OTOG: variants seen among roughly 807,000 people sequenced by gnomAD.
OTOG encodes the protein otogelin.
OTOG carries 296 observed loss-of-function variants against 313.8 expected under a neutral mutation model. The observed-to-expected ratio is 0.94, with a 90% CI of 0.86 to 1.04. OTOG has a LOEUF of 1.04. Ranked by LOEUF, OTOG falls within the 50% of genes least tolerant of loss-of-function variation. The pLI is 0.00. For synonymous variants in OTOG, 1,533 were observed against 1,554.9 expected (o/e 0.99, Z 0.33); for missense variants, 3,948 against 3,840.1 (o/e 1.03, Z -0.74).
Position 17,548,184 on chromosome 11 carries a change from G to C in OTOG, c.188G>C (p.Gly63Ala). 6.5e-7 allele frequency: 1 copy of C among 1,548,464 alleles called. No homozygotes were observed. Among genetic ancestry groups the C allele is most frequent in the South Asian group, 1.2e-5 (1 of 83,652 alleles). Reference sequence around the variant, plus strand: ...CACCAGGAGGCGACCCTTGCCATGGGGGACAAGGCTACAGTCGTGGGAGGC... The same window carrying C: ...CACCAGGAGGCGACCCTTGCCATGGCGGACAAGGCTACAGTCGTGGGAGGC... The part of the protein sequence containing the change: ...SSHQEATLAM[G>A]DKATVVGGQQ... Residue 63 changes from glycine (G) to alanine (A), a missense_variant, in exon 3 of 56, where the codon GGG (glycine) becomes GCG (alanine). Transcript: ENST00000399397.
At position 17,574,135 on chromosome 11, in the gene OTOG, C is replaced by T. The variant is rs553458249; in HGVS notation, c.2294-585C>T. On this transcript the variant is annotated intron_variant, in intron 19 of 55. Coordinates refer to ENST00000399397, the MANE Select transcript of OTOG (RefSeq NM_001292063.2). Reference sequence around the variant, plus strand: ...GTTGAGAACAGCTGAACTGGATGGTCTCAGTGGATCTACTGGATCCCACAG... The same window carrying T: ...GTTGAGAACAGCTGAACTGGATGGTTTCAGTGGATCTACTGGATCCCACAG... 2.0e-5 allele frequency among the ~76,000 whole-genome samples: 3 copies of T among 152,314 alleles called. No homozygotes were observed. The East Asian group carries it at 5.8e-4, about 29-fold the overall frequency.
At position 17,631,896 on chromosome 11, in the gene OTOG, C is replaced by T. The variant is rs568549806; in HGVS notation, c.6907C>T (p.Arg2303Cys). Residue 2303 changes from arginine (R) to cysteine (C), a missense_variant, in exon 41 of 56, where the codon CGC becomes TGC. Arg to Cys is a radical substitution (Grantham distance 180, BLOSUM62 -3). Transcript: ENST00000399397. ...GCCCTGCCTTCGCATGGTGTCCAAC[C>T]GCACCTTCAGTGCCTGCCACCGCTT... The part of the protein sequence containing the change: ...CSPCLRMVSN[R>C]TFSACHRFVP... 1.1e-3 allele frequency: 1,705 copies of T among 1,550,218 alleles called. 2 individuals carry two copies. Among genetic ancestry groups the T allele is most frequent in the Admixed American group, 1.3e-3 (67 of 51,010 alleles).
chr11:17,582,368 G>A (rs1276822104), intron 23 of OTOG, among the ~76,000 whole-genome samples: 1 of 152,112 alleles, frequency 6.6e-6, no homozygotes, highest in African/African-American at 2.4e-5. Flanking sequence ...CAGCAATAAA[G>A]CTTTCAAGAT....
intron 32 of OTOG, 89 bp from the exon 33 acceptor site, chr11:17,605,768 G>T (rs11024340): frequency 2.9e-6 from 4 of 1,396,524 alleles, no homozygotes; most frequent in African/African-American, 2.9e-5. Flanking sequence ...ATCCAGAGTC[G>T]CTGAGAGAGC....
intron 27 of OTOG, 64 bp from the exon 28 acceptor site, chr11:17,593,983 C>T: frequency 6.5e-7 from 1 of 1,544,932 alleles, no homozygotes; most frequent in Non-Finnish European, 8.7e-7. Flanking sequence ...TCATGGTGAC[C>T]CCTCTGCCCG....
At chr11:17,605,472 A>AGTTGCCTCTATTCT (rs1239802874) in intron 32 of OTOG, among the ~76,000 whole-genome samples, 1 of 152,226 alleles carries the variant, frequency 6.6e-6, no homozygotes, top group African/African-American at 2.4e-5. Flanking sequence ...CCATCAGGGC[A>AGTTGCCTCTATTCT]GTTGCCTCTA....
chr11:17,611,152 G>A lies in OTOG; in HGVS notation c.5852G>A (p.Gly1951Glu), dbSNP rs2134092494. The A allele has an allele frequency of 6.4e-7, 1 of 1,550,424 alleles. No individual in the cohort carries two copies. Among genetic ancestry groups the A allele is most frequent in the Non-Finnish European group, 8.7e-7 (1 of 1,146,942 alleles). Residue 1951 changes from glycine (G) to glutamate (E), a missense_variant, in exon 36 of 56, where the codon GGA becomes GAA. By Grantham distance (98) the Gly-to-Glu change is moderately conservative. Transcript: ENST00000399397. ...ACGCCCTTGGTGGCTGAGCCCGAGG[G>A]AGCCCAGGCAGGCACAGCTCTGCCA... Reference protein sequence around the residue: ...PLTPLVAEPEGAQAGTALPVP... With the variant: ...PLTPLVAEPEEAQAGTALPVP...
intron 8 of OTOG, among the ~76,000 whole-genome samples, chr11:17,557,683 C>T (rs1162749309): frequency 6.6e-6 from 1 of 151,342 alleles, no homozygotes; most frequent in Non-Finnish European, 1.5e-5. Flanking sequence ...GCTAAAGACA[C>T]CTATGGAGGA....
chr11:17,585,047 T>C (rs1852760667), intron 23 of OTOG, among the ~76,000 whole-genome samples: 1 of 152,248 alleles, frequency 6.6e-6, no homozygotes, highest in Non-Finnish European at 1.5e-5. Context: ...GCTGGTCTTA[T>C]AAAATGAGTT....
chr11:17,606,881 A>C (rs1480465929), intron 33 of OTOG, among the ~76,000 whole-genome samples: 1 of 152,148 alleles, frequency 6.6e-6, no homozygotes, highest in Non-Finnish European at 1.5e-5. Context: ...TCAGTTATCG[A>C]GTCTGCCCTT....
At chr11:17,645,183 A>G (rs914679904) in intron 54 of OTOG, among the ~76,000 whole-genome samples, 1 of 152,218 alleles carries the variant, frequency 6.6e-6, no homozygotes, top group Admixed American at 6.5e-5. Flanking sequence ...CCCTCTCAGG[A>G]TGGGAAAACT....
chr11:17,608,356 G>A lies in OTOG; in HGVS notation c.4217G>A (p.Ser1406Asn), dbSNP rs1234783099. ...GAGTGGCGCTACGATGCCTGTGCCA[G>A]CCCCTGCTTCCAAACCTGCCGGGAC... ...ICEWRYDACASPCFQTCRDPR... is the reference protein window; with the variant it reads ...ICEWRYDACANPCFQTCRDPR... The change falls in exon 34 of 56, where the codon AGC (serine) becomes AAC (asparagine). Residue 1406 changes from serine (S) to asparagine (N), a missense_variant. Ser to Asn is a conservative substitution (Grantham distance 46, BLOSUM62 1). Transcript: ENST00000399397. The A allele has an allele frequency of 1.3e-6, 2 of 1,547,412 alleles. No individual in the cohort carries two copies. Among genetic ancestry groups the A allele is most frequent in the South Asian group, 2.4e-5 (2 of 83,232 alleles).
chr11:17,558,288 C>A lies in OTOG; in HGVS notation c.969C>A (p.Cys323Ter). 6.4e-7 allele frequency: 1 copy of A among 1,550,882 alleles called. No individual in the cohort carries two copies. Among genetic ancestry groups the A allele is most frequent in the South Asian group, 1.2e-5 (1 of 84,064 alleles). The change falls in exon 9 of 56, where the codon TGC (cysteine) becomes TGA (stop). Residue 323 changes from cysteine (C) to a stop codon, truncating the protein, a stop_gained. Transcript: ENST00000399397. LOFTEE classifies it high-confidence loss of function. ...PTTSSLPRPP[C>*]LQQNPGTMQG... is the part of the protein sequence containing the mutation. ...CTTCCTCCCTGCCTCGCCCACCGTG[C>A]CTACAGCAGAACCCAGGAACCATGC...
chr11:17,577,114 G>A (rs1852547431), intron 22 of OTOG, among the ~76,000 whole-genome samples: 1 of 152,240 alleles, frequency 6.6e-6, no homozygotes, highest in Non-Finnish European at 1.5e-5. Context: ...CCCCACCCTA[G>A]TGGCTGTCTC....
At chr11:17,551,849 G>A in intron 3 of OTOG, 151 bp from the exon 4 acceptor site, 4 of 659,232 alleles carry the variant, frequency 6.1e-6, no homozygotes, top group South Asian at 3.5e-5. Flanking sequence ...TCTCGAGGGG[G>A]CCAGGCGAGG....
In OTOG at chr11:17,616,410, T is replaced by G. The variant is rs896861825; in HGVS notation, c.6528+2709T>G. 3.3e-5 allele frequency among the ~76,000 whole-genome samples: 5 copies of G among 152,224 alleles called. No homozygotes were observed. In the South Asian group the frequency reaches 1.0e-3, roughly 31 times the overall value. On this transcript the variant is annotated intron_variant, in intron 39 of 55. Coordinates refer to ENST00000399397, the MANE Select transcript of OTOG (RefSeq NM_001292063.2). ...TAGAAATTTAGAATCAGCTTTTTGA[T>G]TTCTACCAAATGTCTTCCTGGAATT...
intron 23 of OTOG, among the ~76,000 whole-genome samples, chr11:17,585,852 A>G (rs1165190567): frequency 6.6e-6 from 1 of 152,212 alleles, no homozygotes; most frequent in Non-Finnish European, 1.5e-5. Flanking sequence ...GAAAAATAAA[A>G]TAGGAAGGTT....
rs1184434567 is a variant in OTOG, at chr11:17,573,269, C to T, written c.2272C>T (p.Arg758Cys). 9 of 1,528,870 alleles carry T rather than the reference C, an allele frequency of 5.9e-6. No individual in the cohort carries two copies. The highest frequency in any genetic ancestry group is 1.8e-4 in the Middle Eastern group (1 of 5,610). 94.7% of individuals were successfully genotyped at this position (1,528,870 alleles called of 1,614,324 possible). The change falls in exon 19 of 56, where the codon CGC becomes TGC. Residue 758 changes from arginine (R) to cysteine (C), a missense_variant. Physicochemically the swap from Arg to Cys is radical, Grantham distance 180 (BLOSUM62 -3). Transcript: ENST00000399397. ...CRRHGLPVDF[R>C]ARLPACALSC... ...GCGCCATGGGCTCCCCGTTGATTTC[C>T]GCGCCCGCCTGCCAGCCTGTGGTGA...
At chr11:17,627,302 AT>A (rs35930876) in intron 39 of OTOG, among the ~76,000 whole-genome samples, 32,287 of 150,980 alleles carry the variant, frequency 0.21, 4,062 homozygotes, top group African/African-American at 0.35. Flanking sequence ...TTTTATACTC[AT>A]TTTTTTTTAG....
Sources: gnomAD v4.1 joint callset for allele counts (sites outside exome capture counted in the v4.1 genomes callset) on GRCh38, gnomAD v4.1.1 for gene constraint, MANE v1.5 for transcripts, NCBI Gene and HGNC (gene_info 2026-07-23, HGNC 2026-07-21) for gene names.